ENTPD6: variants seen among roughly 807,000 people sequenced by gnomAD.
ENTPD6 encodes the protein ectonucleoside triphosphate diphosphohydrolase 6.
Under a neutral mutation model 61.5 loss-of-function variants are expected in ENTPD6, and 46 were observed. The observed-to-expected ratio is 0.75, with a 90% CI of 0.59 to 0.96. ENTPD6 has a LOEUF of 0.96. ENTPD6 is among the 40% of genes least tolerant of loss of function. ENTPD6 has a pLI of 0.00. For synonymous variants in ENTPD6, 252 were observed against 255.5 expected, an observed-to-expected ratio of 0.99 and a Z score of 0.13; for missense variants, 612 against 629.0, an observed-to-expected ratio of 0.97 and a Z score of 0.29.
intron 10 of ENTPD6, among the ~76,000 whole-genome samples, chr20:25,220,688 C>T (rs1381915616): frequency 6.6e-6 from 1 of 152,236 alleles, no homozygotes; most frequent in Non-Finnish European, 1.5e-5. Flanking sequence ...AAAGCAGGTC[C>T]AGGCCAGAGT....
At position 25,217,695 on chromosome 20, in the gene ENTPD6, G is replaced by A. The variant is rs1460002509; in HGVS notation, c.878+114G>A. 18 of 890,316 alleles carry A rather than the reference G, an allele frequency of 2.0e-5. No individual in the cohort carries two copies. The Admixed American group carries it at 3.3e-4, about 17-fold the overall frequency. The allele number at this position is 890,316 out of a possible 1,614,324, so 55.2% of individuals were successfully genotyped here. A position where few individuals can be genotyped will look rare whatever the true frequency, so the allele number is the denominator to read the frequency against. On this transcript the variant is annotated intron_variant, in intron 9 of 14. Transcript: ENST00000376652. ...GGCAGATCTGGGAATCCCTGTGCTG[G>A]GAATCCACCCAGACCTCTCTCTCCT...
At chr20:25,203,598 C>T (rs1463812251) in intron 1 of ENTPD6, among the ~76,000 whole-genome samples, 1 of 152,148 alleles carries the variant, frequency 6.6e-6, no homozygotes, top group Non-Finnish European at 1.5e-5. Context: ...TGTTTGATTC[C>T]TTTTTATAAT....
rs1408116670 is a variant in ENTPD6 at position 25,226,563 on chromosome 20, C to T, written c.*966C>T. The T allele has an allele frequency of 1.3e-5, 2 of 152,686 alleles. No individual in the cohort carries two copies. Among genetic ancestry groups the T allele is most frequent in the Non-Finnish European group, 2.9e-5 (2 of 68,172 alleles). The allele number at this position is 152,686 out of a possible 1,614,324, so 9.5% of individuals were successfully genotyped here. A position where few individuals can be genotyped will look rare whatever the true frequency, so the allele number is the denominator to read the frequency against. ...CGCCCACCTCGGGCTGACCCCACCTCCTCCATGGACAGTGTGAGCCCCGGG... is the reference window on the plus strand; with the variant it reads ...CGCCCACCTCGGGCTGACCCCACCTTCTCCATGGACAGTGTGAGCCCCGGG... On this transcript the variant is annotated 3_prime_UTR_variant, in exon 15 of 15. Coordinates refer to ENST00000376652, the MANE Select transcript of ENTPD6 (RefSeq NM_001247.5).
In ENTPD6 at chr20:25,225,111, G is replaced by A; in HGVS notation, c.1244-94G>A. On this transcript the variant is annotated intron_variant, in intron 13 of 14. Coordinates refer to ENST00000376652, the MANE Select transcript of ENTPD6 (RefSeq NM_001247.5). Reference sequence around the variant, plus strand: ...GTGAATCCGGAGTGCGGAGCCAGCGGGTGCCTGTAGTGGGTGGAATTGGGG... The same window carrying A: ...GTGAATCCGGAGTGCGGAGCCAGCGAGTGCCTGTAGTGGGTGGAATTGGGG... 17 of 1,510,760 alleles carry A rather than the reference G, an allele frequency of 1.1e-5. No homozygotes were observed. The South Asian group carries it at 2.1e-4, about 19-fold the overall frequency. 93.6% of individuals were successfully genotyped at this position (1,510,760 alleles called of 1,614,324 possible). A position where few individuals can be genotyped will look rare whatever the true frequency, so the allele number is the denominator to read the frequency against.
intron 1 of ENTPD6, chr20:25,197,309 C>A: frequency 1.1e-6 from 1 of 911,916 alleles, no homozygotes; most frequent in Non-Finnish European, 1.3e-6. Flanking sequence ...CCCTCAGATT[C>A]TCTTCTCTGA....
At chr20:25,205,575 G>T (rs1282627619) in intron 1 of ENTPD6, among the ~76,000 whole-genome samples, 1 of 152,192 alleles carries the variant, frequency 6.6e-6, no homozygotes, top group Non-Finnish European at 1.5e-5. Context: ...TGAGAGCTGT[G>T]GGAAGCCCCC....
chr20:25,224,305 C>T (rs1219921166), intron 13 of ENTPD6, 148 bp downstream of exon 13: 7 of 591,508 alleles, frequency 1.2e-5, no homozygotes, highest in East Asian at 6.4e-5. Flanking sequence ...AAAGGACCAC[C>T]GTCCTTGTCC....
Position 25,215,725 on chromosome 20 carries a change from G to A in ENTPD6, c.709+14G>A, listed in dbSNP as rs1424805286. The A allele has an allele frequency of 6.2e-7, 1 of 1,613,990 alleles. No individual in the cohort carries two copies. On this transcript the variant is annotated intron_variant, in intron 7 of 14. Coordinates refer to ENST00000376652, the MANE Select transcript of ENTPD6 (RefSeq NM_001247.5). Reference sequence around the variant, plus strand: ...ACTTCCTGACAGGTGTGTGCACACTGCATCACAGAGGCTAGCCGATCACAG... The same window carrying A: ...ACTTCCTGACAGGTGTGTGCACACTACATCACAGAGGCTAGCCGATCACAG...
Position 25,221,275 on chromosome 20 carries a change from T to G in ENTPD6, c.987T>G (p.Ser329Arg). ...TGGTCAGCCCTTGCTTGTCTCCCAG[T>G]TTCAAAGGAGAGTGGGAACACGCAG... ...KELVSPCLSP[S>R]FKGEWEHAEV... The change falls in exon 11 of 15, where the codon AGT becomes AGG. Residue 329 changes from serine (S) to arginine (R), a missense_variant. Physicochemically the swap from Ser to Arg is moderately radical, Grantham distance 110 (BLOSUM62 -1). Transcript: ENST00000376652. The G allele has an allele frequency of 6.2e-7, 1 of 1,614,144 alleles. No individual in the cohort carries two copies. The highest frequency in any genetic ancestry group is 1.7e-5 in the Admixed American group (1 of 60,020).
At position 25,218,004 on chromosome 20, in the gene ENTPD6, C is replaced by T. The variant is rs370863367; in HGVS notation, c.878+423C>T. Among the ~76,000 whole-genome samples, 34 of 142,040 alleles carry T rather than the reference C, an allele frequency of 2.4e-4. No individual in the cohort carries two copies. The East Asian group carries it at 2.9e-3, about 12-fold the overall frequency. The allele number at this position is 142,040 out of a possible 152,430, so 93.2% of individuals were successfully genotyped here. On this transcript the variant is annotated intron_variant, in intron 9 of 14. Transcript: ENST00000376652. ...CTCCTCCTCCCACCTCCTCTGTCCT[C>T]CTCCTTCATCCTTTAATGTGTCTAC...
At chr20:25,210,152 C>T (rs548510991) in intron 4 of ENTPD6, among the ~76,000 whole-genome samples, 2 of 152,350 alleles carry the variant, frequency 1.3e-5, no homozygotes, top group African/African-American at 2.4e-5. Flanking sequence ...ACCGTGCCAG[C>T]GCTCACTTCT....
At chr20:25,223,035 G>GGGGGGGGGGGGGGGGGGGGC in intron 12 of ENTPD6, 57 bp downstream of exon 12, 1 of 1,109,618 alleles carries the variant, frequency 9.0e-7, no homozygotes, top group Non-Finnish European at 1.3e-6. Flanking sequence ...GGCGGGGGTG[G>GGGGGGGGGGGGGGGGGGGGC]AGGGCGTGTG....
Position 25,206,557 on chromosome 20 carries a change from T to G in ENTPD6, c.21T>G (p.Tyr7Ter), listed in dbSNP as rs772901579. ...TGTGAATGAAAAAAGGTATCCGTTA[T>G]GAAACTTCCAGAAAAACGAGCTACA... MKKGIR[Y>*]ETSRKTSYIF... Residue 7 changes from tyrosine (Y) to a stop codon, truncating the protein, a stop_gained, in exon 2 of 15, where the codon TAT (tyrosine) becomes TAG (stop). Coordinates refer to ENST00000376652, the MANE Select transcript of ENTPD6 (RefSeq NM_001247.5). LOFTEE classifies it high-confidence loss of function. 5.0e-6 allele frequency: 8 copies of G among 1,613,870 alleles called. No individual in the cohort carries two copies. The highest frequency in any genetic ancestry group is 5.9e-6 in the Non-Finnish European group (7 of 1,179,698).
chr20:25,218,559 G>T lies in ENTPD6; in HGVS notation c.888G>T (p.Gly296=). The T allele has an allele frequency of 3.1e-6, 5 of 1,606,588 alleles. No individual in the cohort carries two copies. Among genetic ancestry groups the T allele is most frequent in the Non-Finnish European group, 3.4e-6 (4 of 1,178,314 alleles). The part of the protein sequence containing the change: ...TYKLYSYSYL[G]LGLMSARLAI... ...GGTGTCATTCCCACAGCTACCTCGGGCTCGGGCTGATGTCGGCACGCCTGG... is the reference window on the plus strand; with the variant it reads ...GGTGTCATTCCCACAGCTACCTCGGTCTCGGGCTGATGTCGGCACGCCTGG... Residue 296 remains glycine, a synonymous_variant, in exon 10 of 15, where the codon GGG becomes GGT. Coordinates refer to ENST00000376652, the MANE Select transcript of ENTPD6 (RefSeq NM_001247.5).
chr20:25,225,391 G>A, intron 14 of ENTPD6, 74 bp downstream of exon 14: 5 of 1,591,982 alleles, frequency 3.1e-6, no homozygotes, highest in East Asian at 2.2e-5. Flanking sequence ...CCAGTTGCTG[G>A]GGTCATGTCC....
intron 6 of ENTPD6, 24 bp downstream of exon 6, chr20:25,214,966 T>C (rs1311558412): frequency 1.3e-5 from 19 of 1,516,466 alleles, no homozygotes; most frequent in African/African-American, 5.5e-5. Flanking sequence ...AGCACCTCTG[T>C]ACAGTGGGGC....
At chr20:25,197,993 G>A (rs770903651) in intron 1 of ENTPD6, among the ~76,000 whole-genome samples, 6 of 152,008 alleles carry the variant, frequency 3.9e-5, no homozygotes, top group Non-Finnish European at 8.8e-5. Flanking sequence ...GGGCCTTGGT[G>A]CTGTCTTAGG....
In ENTPD6 at chr20:25,207,417, G is replaced by A. The variant is rs199638485; in HGVS notation, c.376+20G>A. 28 of 1,511,526 alleles carry A rather than the reference G, an allele frequency of 1.9e-5. No homozygotes were observed. In the East Asian group the frequency reaches 6.4e-4, roughly 35 times the overall value. 93.6% of individuals were successfully genotyped at this position (1,511,526 alleles called of 1,614,324 possible). A position where few individuals can be genotyped will look rare whatever the true frequency, so the allele number is the denominator to read the frequency against. ...CCAGAGGTACCCGCCTCTCATGGCA[G>A]GGCTCTCGGGATCTCCTCCCCTGTG... On this transcript the variant is annotated intron_variant, in intron 3 of 14. Transcript: ENST00000376652.
At chr20:25,218,078 C>T (rs905255857) in intron 9 of ENTPD6, among the ~76,000 whole-genome samples, 1 of 152,008 alleles carries the variant, frequency 6.6e-6, no homozygotes, top group African/African-American at 2.4e-5. Context: ...CTCCTCCCGC[C>T]TCCTCTGTCC....
Sources: allele counts gnomAD v4.1 joint callset (sites outside exome capture counted in the v4.1 genomes callset), GRCh38; gene constraint gnomAD v4.1.1; transcripts MANE v1.5; gene names NCBI Gene and HGNC (gene_info 2026-07-23, HGNC 2026-07-21).